The following EIF4E2 variants were observed in gnomAD, a reference collection of about 807,000 sequenced individuals.
The protein encoded by EIF4E2 is eukaryotic translation initiation factor 4E type 2.
A neutral mutation model predicts 34.2 loss-of-function variants in EIF4E2; 13 were observed. The observed-to-expected ratio is 0.38, with a 90% CI of 0.25 to 0.60. The LOEUF is 0.60. EIF4E2 is among the 20% of genes least tolerant of loss of function. The pLI is 0.62. For synonymous variants in EIF4E2, 100 were observed against 106.6 expected, an observed-to-expected ratio of 0.94 and a Z score of 0.38; for missense variants, 222 against 315.1, an observed-to-expected ratio of 0.70 and a Z score of 2.24.
Position 232,574,424 on chromosome 2 carries a change from G to A in EIF4E2, c.666-6480G>A, listed in dbSNP as rs1008378107. 85 of 1,409,036 alleles carry A rather than the reference G, an allele frequency of 6.0e-5. 1 individual carries two copies. In the African/African-American group the frequency reaches 1.1e-3, roughly 18 times the overall value. The allele number at this position is 1,409,036 out of a possible 1,614,324, so 87.3% of individuals were successfully genotyped here. On this transcript the variant is annotated intron_variant, in intron 6 of 6. Transcript: ENST00000409098. ...CCTCTTCCCATTTACCCCCAAACTT[G>A]CCTCTACCAACATTGAGCCTCAGAG... is the stretch of plus-strand genomic sequence containing the variant.
At chr2:232,560,885 C>T (rs564501135) in intron 3 of EIF4E2, among the ~76,000 whole-genome samples, 1 of 152,266 alleles carries the variant, frequency 6.6e-6, no homozygotes, top group African/African-American at 2.4e-5. Context: ...AATAAACTAC[C>T]TTGTGCACTG....
chr2:232,561,233 A>C (rs1054724762), intron 3 of EIF4E2, among the ~76,000 whole-genome samples: 1 of 152,168 alleles, frequency 6.6e-6, no homozygotes, highest in Admixed American at 6.5e-5. Flanking sequence ...CAGGAGTTCA[A>C]AACCAGCCTG....
chr2:232,574,206 T>C (rs1693156784), downstream of EIF4E2: 3 of 1,509,166 alleles, frequency 2.0e-6, no homozygotes, highest in Admixed American at 3.9e-5. Context: ...CTGCTCTCTG[T>C]GTTCAAAAGC....
downstream of EIF4E2, among the ~76,000 whole-genome samples, chr2:232,571,846 G>A (rs934207479): frequency 6.6e-5 from 10 of 152,280 alleles, no homozygotes; most frequent in South Asian, 4.1e-4. Flanking sequence ...ATGTACCACC[G>A]AACTGGTAGG....
chr2:232,582,986 T>G (rs1490029563), exon 7 of EIF4E2: 1 of 152,214 alleles, frequency 6.6e-6, no homozygotes, highest in Non-Finnish European at 1.5e-5. Flanking sequence ...CCCAGTGTTC[T>G]CCCAGATATT....
At chr2:232,568,180 C>T in intron 6 of EIF4E2, 1 of 985,246 alleles carries the variant, frequency 1.0e-6, no homozygotes, top group Non-Finnish European at 1.2e-6. Flanking sequence ...AGAATATCAT[C>T]ATGTTGTTAT....
At chr2:232,574,782 G>A (rs1409697800) in intron 6 of EIF4E2, among the ~76,000 whole-genome samples, 1 of 152,190 alleles carries the variant, frequency 6.6e-6, no homozygotes, top group Non-Finnish European at 1.5e-5. Context: ...CAGTTGTGAG[G>A]AAACAGTAAT....
chr2:232,572,556 G>A (rs192955144), downstream of EIF4E2, among the ~76,000 whole-genome samples: 300 of 152,054 alleles, frequency 2.0e-3, no homozygotes, highest in African/African-American at 7.0e-3. Context: ...TAGTAGAGAC[G>A]GGGTTTCACC....
chr2:232,565,630 T>C (rs1350795425), intron 4 of EIF4E2, among the ~76,000 whole-genome samples: 2 of 151,790 alleles, frequency 1.3e-5, no homozygotes, highest in Non-Finnish European at 2.9e-5. Flanking sequence ...CGAGACTCCA[T>C]CTCAAAAAAA....
At chr2:232,562,160 A>G (rs1692747834) in intron 3 of EIF4E2, among the ~76,000 whole-genome samples, 1 of 152,098 alleles carries the variant, frequency 6.6e-6, no homozygotes, top group Non-Finnish European at 1.5e-5. Context: ...GGCTGCAGTG[A>G]GCCATGATCA....
chr2:232,554,592 T>C (rs1024780505), intron 1 of EIF4E2, among the ~76,000 whole-genome samples: 7 of 152,054 alleles, frequency 4.6e-5, no homozygotes, highest in Admixed American at 4.6e-4. Flanking sequence ...AAATGTTTAA[T>C]AAAGGGGAAG....
At chr2:232,567,930 G>A (rs1232034425) in intron 6 of EIF4E2, 1 of 983,304 alleles carries the variant, frequency 1.0e-6, no homozygotes, top group African/African-American at 1.7e-5. Flanking sequence ...GGGAGAGCTA[G>A]CCAGCTAAGA....
chr2:232,560,976 C>A (rs1370364544), intron 3 of EIF4E2, among the ~76,000 whole-genome samples: 1 of 152,198 alleles, frequency 6.6e-6, no homozygotes, highest in Non-Finnish European at 1.5e-5. Flanking sequence ...GGCACAGATC[C>A]TGTCCTTGGG....
chr2:232,577,146 A>C lies in EIF4E2; in HGVS notation c.666-3758A>C, dbSNP rs140398537. Among the ~76,000 whole-genome samples the C allele has an allele frequency of 7.9e-3, 1,202 of 152,374 alleles. 5 individuals carry two copies. The highest frequency in any genetic ancestry group is 0.013 in the Non-Finnish European group (876 of 68,038). On this transcript the variant is annotated intron_variant, in intron 6 of 6. Transcript: ENST00000409098. ...TGGGAAATGAAGTTGGAATAAAATAAAGTTGAAGACGAGAGACTGGAATTT... is the reference window on the plus strand; with the variant it reads ...TGGGAAATGAAGTTGGAATAAAATACAGTTGAAGACGAGAGACTGGAATTT...
chr2:232,566,767 C>T lies in EIF4E2; in HGVS notation c.376-62C>T. 6.3e-7 allele frequency: 1 copy of T among 1,596,126 alleles called. No individual in the cohort carries two copies. ...TAAGAGATTCTTGGCTTTTTACTGC[C>T]TTCATACAAAAAAAGGCTGTGAAAC... On this transcript the variant is annotated intron_variant, in intron 4 of 6. Transcript: ENST00000258416. This position sits in a 1 kb window ranked among gnomAD's most constrained non-coding sequence, Gnocchi z 4.9.
chr2:232,581,354 G>C lies in EIF4E2; in HGVS notation c.*411G>C, dbSNP rs1424428506. The C allele has an allele frequency of 3.4e-5, 12 of 351,988 alleles. No individual in the cohort carries two copies. In the East Asian group the frequency reaches 8.2e-4, roughly 24 times the overall value. 21.8% of individuals were successfully genotyped at this position (351,988 alleles called of 1,614,324 possible). On this transcript the variant is annotated 3_prime_UTR_variant, in exon 7 of 7. Transcript: ENST00000409098. This position sits in a 1 kb window ranked among gnomAD's most constrained non-coding sequence, Gnocchi z 5.2. The stretch of plus-strand genomic sequence containing the variant: ...ATGAATGTCTGTGCATCCAGGAAAA[G>C]TGTTCTGTTGGAGAGTCCCAAAATA...
intron 6 of EIF4E2, among the ~76,000 whole-genome samples, chr2:232,574,517 G>A (rs968576843): frequency 1.3e-5 from 2 of 152,190 alleles, no homozygotes; most frequent in African/African-American, 4.8e-5. Context: ...GTGAACCCCT[G>A]AGCAGGCTAC....
At chr2:232,555,614 C>T (rs551951136) in intron 1 of EIF4E2, among the ~76,000 whole-genome samples, 11 of 152,180 alleles carry the variant, frequency 7.2e-5, no homozygotes, top group African/African-American at 1.2e-4. Flanking sequence ...CTGGAGATAC[C>T]GAGATGAAAT....
chr2:232,577,704 A>G (rs922785380), intron 6 of EIF4E2, among the ~76,000 whole-genome samples: 1 of 152,236 alleles, frequency 6.6e-6, no homozygotes, highest in Non-Finnish European at 1.5e-5. Context: ...CATCATCAGG[A>G]CAAAGGAACA....
Sources: allele counts gnomAD v4.1 joint callset (sites outside exome capture counted in the v4.1 genomes callset), GRCh38; gene constraint gnomAD v4.1.1; non-coding constraint Gnocchi (gnomAD v3.1); transcripts MANE v1.5; gene names NCBI Gene and HGNC (gene_info 2026-07-23, HGNC 2026-07-21).